SEMA3E: variants seen among roughly 807,000 people sequenced by gnomAD.
The protein encoded by SEMA3E is semaphorin-3E.
In SEMA3E, 49 loss-of-function variants were observed where a neutral mutation model predicts 93.6. That is an observed-to-expected ratio of 0.52 (90% CI 0.42 to 0.66). The LOEUF (loss-of-function observed/expected upper bound fraction) is 0.66, where lower values mean the gene tolerates loss of function less well. Ranked by LOEUF, SEMA3E falls within the 30% of genes least tolerant of loss-of-function variation. The probability of loss-of-function intolerance (pLI) is 0.00; values close to 1 mark genes in which losing one functional copy is unlikely to be tolerated. For synonymous variants in SEMA3E, 363 were observed against 330.7 expected (o/e 1.10, Z -1.06); for missense variants, 906 against 964.8 (o/e 0.94, Z 0.81).
At chr7:83,580,100 C>A (rs146934471) in intron 1 of SEMA3E, among the ~76,000 whole-genome samples, 144 of 152,112 alleles carry the variant, frequency 9.5e-4, no homozygotes, top group African/African-American at 3.3e-3. Context: ...TGTACACCGA[C>A]AACTATCTGA....
At chr7:83,568,595 A>G (rs1264585352) in intron 1 of SEMA3E, among the ~76,000 whole-genome samples, 1 of 151,920 alleles carries the variant, frequency 6.6e-6, no homozygotes, top group Non-Finnish European at 1.5e-5. Flanking sequence ...ATCATAATAC[A>G]TAACATCGGT....
At chr7:83,443,045 G>A (rs1789150897) in intron 4 of SEMA3E, among the ~76,000 whole-genome samples, 1 of 152,116 alleles carries the variant, frequency 6.6e-6, no homozygotes, top group African/African-American at 2.4e-5. Flanking sequence ...TTGGAACTGA[G>A]AGCCAGAATT....
intron 1 of SEMA3E, among the ~76,000 whole-genome samples, chr7:83,553,136 A>G (rs1791800981): frequency 6.6e-6 from 1 of 151,982 alleles, no homozygotes; most frequent in Non-Finnish European, 1.5e-5. Flanking sequence ...AGGTGATGTC[A>G]CCCCTGGCGG....
intron 4 of SEMA3E, among the ~76,000 whole-genome samples, chr7:83,453,948 ATTTTT>A (rs1789419924): frequency 5.3e-5 from 8 of 151,668 alleles, no homozygotes; most frequent in South Asian, 2.1e-4. Context: ...TAATATTTTT[ATTTTT>A]ACCTACTATT....
chr7:83,431,024 G>T (rs558105265), intron 4 of SEMA3E, among the ~76,000 whole-genome samples: 1 of 150,110 alleles, frequency 6.7e-6, no homozygotes, highest in Non-Finnish European at 1.5e-5. Flanking sequence ...TGAAAACATT[G>T]ATTATTAATG....
intron 1 of SEMA3E, among the ~76,000 whole-genome samples, chr7:83,595,780 C>T (rs1053831748): frequency 3.3e-5 from 5 of 151,892 alleles, no homozygotes; most frequent in African/African-American, 4.8e-5. Flanking sequence ...CGGTACATCA[C>T]GGTAGGAAGT....
chr7:83,380,255 C>T (rs540866837), intron 16 of SEMA3E, among the ~76,000 whole-genome samples: 43 of 151,990 alleles, frequency 2.8e-4, no homozygotes, highest in African/African-American at 1.0e-3. Context: ...CTGTCTTCTC[C>T]CTTTCTACTA....
At chr7:83,643,204 T>C (rs1441824322) in intron 1 of SEMA3E, among the ~76,000 whole-genome samples, 1 of 152,046 alleles carries the variant, frequency 6.6e-6, no homozygotes. Context: ...CTCTGTGTAA[T>C]ACTCTCAGCT....
chr7:83,405,517 C>T lies in SEMA3E; in HGVS notation c.931G>A (p.Asp311Asn), dbSNP rs1478459253. 1 of 1,612,746 alleles carries T rather than the reference C, an allele frequency of 6.2e-7. No homozygotes were observed. The highest frequency in any genetic ancestry group is 1.1e-5 in the South Asian group (1 of 91,054). Residue 311 changes from aspartate (D) to asparagine (N), a missense_variant and splice_region_variant, in exon 9 of 17, where the codon GAC (aspartate) becomes AAC (asparagine). Transcript: ENST00000643230. ...TCTCTGGTAGGTAGCAAAAAAACGTCCTCTGAAAAATTAAAGGCCATTCCA... is the reference window on the plus strand; with the variant it reads ...TCTCTGGTAGGTAGCAAAAAAACGTTCTCTGAAAAATTAAAGGCCATTCCA... The part of the protein sequence containing the change: ...GIDTYFDELE[D>N]VFLLPTRDHK...
intron 1 of SEMA3E, among the ~76,000 whole-genome samples, chr7:83,525,283 TC>T (rs1350336027): frequency 6.6e-6 from 1 of 152,094 alleles, no homozygotes; most frequent in Non-Finnish European, 1.5e-5. Flanking sequence ...TAATTTTTTT[TC>T]CCTGGAACCT....
chr7:83,584,099 C>G (rs545443401), intron 1 of SEMA3E, among the ~76,000 whole-genome samples: 1 of 152,102 alleles, frequency 6.6e-6, no homozygotes, highest in Non-Finnish European at 1.5e-5. Context: ...TTACAGCATT[C>G]TAAGTTCTAC....
chr7:83,542,429 T>C (rs376341149), intron 1 of SEMA3E, among the ~76,000 whole-genome samples: 39 of 152,136 alleles, frequency 2.6e-4, no homozygotes, highest in African/African-American at 9.2e-4. Flanking sequence ...TTTGTATTCA[T>C]TGAAAGTGAA....
chr7:83,552,766 C>A (rs898013012), intron 1 of SEMA3E, among the ~76,000 whole-genome samples: 1 of 152,076 alleles, frequency 6.6e-6, no homozygotes, highest in Non-Finnish European at 1.5e-5. Context: ...CGAAAAACTC[C>A]ACCCTGGCAA....
At chr7:83,634,729 CTG>C (rs1310336570) in intron 1 of SEMA3E, among the ~76,000 whole-genome samples, 2 of 151,968 alleles carry the variant, frequency 1.3e-5, no homozygotes, top group Non-Finnish European at 2.9e-5. Context: ...CTTCTTATGA[CTG>C]TAACAATATA....
chr7:83,526,690 T>C (rs1414669351), intron 1 of SEMA3E, among the ~76,000 whole-genome samples: 1 of 152,166 alleles, frequency 6.6e-6, no homozygotes, highest in Non-Finnish European at 1.5e-5. Context: ...CAAGATTAAG[T>C]TGCTATTGTT....
chr7:83,521,097 T>A lies in SEMA3E; in HGVS notation c.116-30823A>T, dbSNP rs10236095. The stretch of plus-strand genomic sequence containing the variant: ...CTCAACTTTTAAGATTTTTTTTTTT[T>A]TTTAGATTCTGTGTATAGATGCACA... On this transcript the variant is annotated intron_variant, in intron 1 of 16. Coordinates refer to ENST00000643230, the MANE Select transcript of SEMA3E (RefSeq NM_012431.3). 5.4e-3 allele frequency among the ~76,000 whole-genome samples: 820 copies of A among 152,230 alleles called. 5 individuals carry two copies. Among genetic ancestry groups the A allele is most frequent in the African/African-American group, 0.019 (791 of 41,540 alleles).
intron 1 of SEMA3E, among the ~76,000 whole-genome samples, chr7:83,554,994 A>AAATAAATAAATAAATAAATGAATG (rs1554337680): frequency 2.0e-5 from 3 of 148,256 alleles, no homozygotes; most frequent in African/African-American, 7.4e-5. Context: ...ATAAATAAAT[A>AAATAAATAAATAAATAAATGAATG]AATAAAAATG....
At chr7:83,567,810 A>G (rs553421670) in intron 1 of SEMA3E, among the ~76,000 whole-genome samples, 1 of 152,174 alleles carries the variant, frequency 6.6e-6, no homozygotes, top group South Asian at 2.1e-4. Context: ...AAGTACAACG[A>G]TTTTGAATAA....
Position 83,365,236 on chromosome 7 carries a change from C to T in SEMA3E, c.*2350G>A, listed in dbSNP as rs988399776. ...TTGGAAACTGCTTTCTCTCTCCCTT[C>T]GTCTTTCTCTCTCCCTCCCTCTTCT... On this transcript the variant is annotated 3_prime_UTR_variant, in exon 17 of 17. Transcript: ENST00000643230. The T allele has an allele frequency of 1.3e-5, 2 of 151,964 alleles. No individual in the cohort carries two copies. The highest frequency in any genetic ancestry group is 6.6e-5 in the Admixed American group (1 of 15,244). 9.4% of individuals were successfully genotyped at this position (151,964 alleles called of 1,614,324 possible). A position where few individuals can be genotyped will look rare whatever the true frequency, so the allele number is the denominator to read the frequency against.
Sources: allele counts gnomAD v4.1 joint callset (sites outside exome capture counted in the v4.1 genomes callset), GRCh38; gene constraint gnomAD v4.1.1; transcripts MANE v1.5; gene names NCBI Gene and HGNC (gene_info 2026-07-23, HGNC 2026-07-21).